The following GPC6 variants were observed in gnomAD, a reference collection of about 807,000 sequenced individuals.
GPC6 encodes the protein glypican 6.
Under a neutral mutation model 55.2 loss-of-function variants are expected in GPC6, and 14 were observed. The observed-to-expected ratio is 0.25, with a 90% CI of 0.17 to 0.40. The LOEUF is 0.40. GPC6 is among the 10% of genes least tolerant of loss of function. The pLI is 1.00. For synonymous variants in GPC6, 278 were observed against 259.6 expected, an observed-to-expected ratio of 1.07 and a Z score of -0.68; for missense variants, 641 against 708.5, an observed-to-expected ratio of 0.90 and a Z score of 1.08.
At chr13:93,499,119 A>G (rs1330169595) in intron 1 of GPC6, among the ~76,000 whole-genome samples, 2 of 151,890 alleles carry the variant, frequency 1.3e-5, no homozygotes, top group African/African-American at 4.8e-5. Flanking sequence ...ACACACACAC[A>G]GAAACACATA....
intron 1 of GPC6, among the ~76,000 whole-genome samples, chr13:93,378,466 T>C (rs1297461114): frequency 2.6e-5 from 4 of 152,178 alleles, no homozygotes; most frequent in Non-Finnish European, 5.9e-5. Context: ...CAACTCTTAA[T>C]TCCTCAGTTA....
chr13:93,525,051 A>G (rs535163347), intron 1 of GPC6, among the ~76,000 whole-genome samples: 1 of 152,198 alleles, frequency 6.6e-6, no homozygotes, highest in South Asian at 2.1e-4. Context: ...GTAGACTCCT[A>G]CTAATATTTG....
intron 2 of GPC6, among the ~76,000 whole-genome samples, chr13:93,757,164 T>C (rs1158906147): frequency 6.6e-6 from 1 of 152,168 alleles, no homozygotes; most frequent in Non-Finnish European, 1.5e-5. Context: ...AGCCCTCTGT[T>C]TTGTTCCTAA....
chr13:94,097,700 T>C (rs1271306450), intron 4 of GPC6, among the ~76,000 whole-genome samples: 1 of 152,098 alleles, frequency 6.6e-6, no homozygotes, highest in Non-Finnish European at 1.5e-5. Context: ...TAAAGAGAAA[T>C]GCAACACAGT....
intron 3 of GPC6, among the ~76,000 whole-genome samples, chr13:93,876,239 T>C (rs986373072): frequency 1.3e-5 from 2 of 152,000 alleles, no homozygotes; most frequent in African/African-American, 2.4e-5. Flanking sequence ...GAAGCATTTA[T>C]TATATTGTTA....
chr13:94,349,396 CTTT>C (rs1566705850), intron 6 of GPC6, among the ~76,000 whole-genome samples: 1 of 152,116 alleles, frequency 6.6e-6, no homozygotes, highest in African/African-American at 2.4e-5. Flanking sequence ...TCATCTCCAA[CTTT>C]TTTTGACACC....
At position 94,381,142 on chromosome 13, in the gene GPC6, T is replaced by C. The variant is rs187944010; in HGVS notation, c.1153-1272T>C. ...TGTAAAATTACTAGTTTTCCTTTTG[T>C]AATTAATAAATAATCTGTGTTACTA... is the stretch of plus-strand genomic sequence containing the variant. On this transcript the variant is annotated intron_variant, in intron 6 of 8. Transcript: ENST00000377047. Among the ~76,000 whole-genome samples the C allele has an allele frequency of 2.6e-5, 4 of 152,318 alleles. No homozygotes were observed. In the East Asian group the frequency reaches 7.7e-4, roughly 29 times the overall value.
Position 93,706,434 on chromosome 13 carries a change from A to G in GPC6, c.320-123720A>G, listed in dbSNP as rs532574324. Among the ~76,000 whole-genome samples the G allele has an allele frequency of 5.3e-5, 8 of 152,032 alleles. 1 individual carries two copies. In the South Asian group the frequency reaches 1.7e-3, roughly 32 times the overall value. On this transcript the variant is annotated intron_variant, in intron 2 of 8. Transcript: ENST00000377047. ...TACCTGTCGCCAACATATTTCAGGAATAGTAATTATCTGCATGTAATCACT... is the reference window on the plus strand; with the variant it reads ...TACCTGTCGCCAACATATTTCAGGAGTAGTAATTATCTGCATGTAATCACT...
At chr13:94,147,426 A>G (rs779939183) in intron 4 of GPC6, among the ~76,000 whole-genome samples, 7 of 152,180 alleles carry the variant, frequency 4.6e-5, no homozygotes, top group Non-Finnish European at 1.0e-4. Context: ...CACTAGCTGA[A>G]TGAGCTTTAG....
In GPC6 at chr13:93,780,760, A is replaced by G. The variant is rs1402798631; in HGVS notation, c.320-49394A>G. Among the ~76,000 whole-genome samples, 5 of 152,276 alleles carry G rather than the reference A, an allele frequency of 3.3e-5. No homozygotes were observed. In the East Asian group the frequency reaches 9.6e-4, roughly 29 times the overall value. The stretch of plus-strand genomic sequence containing the variant: ...AATCTGCATTTTATTTTTAACTTTG[A>G]ACATCTATTTTGGTCATTGCCTTTA... On this transcript the variant is annotated intron_variant, in intron 2 of 8. Transcript: ENST00000377047.
intron 3 of GPC6, among the ~76,000 whole-genome samples, chr13:93,932,552 T>C (rs1241978105): frequency 1.3e-5 from 2 of 152,234 alleles, no homozygotes; most frequent in Non-Finnish European, 2.9e-5. Context: ...ATCTATGTTC[T>C]ACATCTTCAA....
chr13:94,075,229 G>A (rs1457689943), intron 4 of GPC6, among the ~76,000 whole-genome samples: 1 of 152,186 alleles, frequency 6.6e-6, no homozygotes, highest in Non-Finnish European at 1.5e-5. Flanking sequence ...GTATGTGTAT[G>A]TGCGTGTGCA....
intron 4 of GPC6, among the ~76,000 whole-genome samples, chr13:94,274,857 A>G (rs960073698): frequency 5.3e-5 from 8 of 152,164 alleles, no homozygotes; most frequent in Non-Finnish European, 4.4e-5. Context: ...CTACCTAATA[A>G]AAAAGTACAA....
intron 4 of GPC6, among the ~76,000 whole-genome samples, chr13:94,148,961 T>C (rs61962345): frequency 0.18 from 27,647 of 151,902 alleles, 2,777 homozygotes; most frequent in Non-Finnish European, 0.23. Flanking sequence ...CTAACACACA[T>C]ACACACACAC....
chr13:94,067,835 A>G (rs1194849816), intron 4 of GPC6, among the ~76,000 whole-genome samples: 1 of 152,164 alleles, frequency 6.6e-6, no homozygotes, highest in Non-Finnish European at 1.5e-5. Flanking sequence ...AACTCATACA[A>G]TCCTCTGGTT....
chr13:94,072,535 G>T (rs905473870), intron 4 of GPC6, among the ~76,000 whole-genome samples: 6 of 152,280 alleles, frequency 3.9e-5, no homozygotes, highest in South Asian at 2.1e-4. Flanking sequence ...TGTATTCTTA[G>T]TAGAGACGGG....
intron 4 of GPC6, among the ~76,000 whole-genome samples, chr13:94,080,110 A>G (rs1350377248): frequency 6.6e-6 from 1 of 152,238 alleles, no homozygotes; most frequent in Admixed American, 6.5e-5. Context: ...CATAGAAAAG[A>G]AAACCAGAGA....
chr13:94,031,080 G>A (rs1883111254), intron 4 of GPC6, among the ~76,000 whole-genome samples: 1 of 149,150 alleles, frequency 6.7e-6, no homozygotes, highest in Admixed American at 6.6e-5. Flanking sequence ...GTGTGCGTGT[G>A]CGTGTGTGTG....
chr13:93,889,481 T>C (rs1278405002), intron 3 of GPC6, among the ~76,000 whole-genome samples: 1 of 152,116 alleles, frequency 6.6e-6, no homozygotes, highest in Non-Finnish European at 1.5e-5. Context: ...GAAACAAGTA[T>C]TTTATGGAGC....
Sources: allele counts gnomAD v4.1 joint callset (sites outside exome capture counted in the v4.1 genomes callset), GRCh38; gene constraint gnomAD v4.1.1; transcripts MANE v1.5; gene names NCBI Gene and HGNC (gene_info 2026-07-23, HGNC 2026-07-21).